ELN: variants seen among roughly 807,000 people sequenced by gnomAD.
The protein encoded by ELN is tropoelastin.
In ELN, 65 loss-of-function variants were observed where a neutral mutation model predicts 105.8. The observed-to-expected ratio is 0.61, with a 90% CI of 0.50 to 0.75. The LOEUF (loss-of-function observed/expected upper bound fraction) is 0.75. ELN is among the 30% of genes least tolerant of loss of function. ELN has a pLI of 0.00. For missense variants in ELN, 882 were observed against 969.4 expected, an observed-to-expected ratio of 0.91 and a Z score of 1.20; for synonymous variants, 368 against 389.2, an observed-to-expected ratio of 0.95 and a Z score of 0.64.
chr7:74,037,594 G>A lies in ELN; in HGVS notation c.164-113G>A, dbSNP rs1472938701. ...CAGGGGCTCCAAGTCTGAGCGGGAG[G>A]ACCTGGGGTGTGTGATTCCACACTG... is the stretch of plus-strand genomic sequence containing the variant. On this transcript the variant is annotated intron_variant, in intron 3 of 32. Coordinates refer to ENST00000252034, the MANE Select transcript of ELN (RefSeq NM_000501.4). The A allele has an allele frequency of 5.4e-6, 8 of 1,476,988 alleles. 1 individual carries two copies. The highest frequency in any genetic ancestry group is 4.6e-6 in the Non-Finnish European group (5 of 1,079,668). The allele number at this position is 1,476,988 out of a possible 1,614,324, so 91.5% of individuals were successfully genotyped here.
intron 29 of ELN, 114 bp from the exon 30 acceptor site, chr7:74,065,580 C>A: frequency 7.5e-7 from 1 of 1,333,950 alleles, no homozygotes; most frequent in African/African-American, 1.5e-5. Context: ...CGCCACTGCA[C>A]TCCAGCCCAG....
intron 20 of ELN, 81 bp from the exon 21 acceptor site, chr7:74,056,591 G>A (rs1554680018): frequency 6.2e-7 from 1 of 1,609,532 alleles, no homozygotes; most frequent in African/African-American, 1.3e-5. Context: ...ATGCCTTACA[G>A]GGCAGAAGAG....
At chr7:74,053,751 G>A (rs1299527490) in intron 18 of ELN, among the ~76,000 whole-genome samples, 2 of 150,940 alleles carry the variant, frequency 1.3e-5, no homozygotes, top group Admixed American at 6.6e-5. Context: ...TGGGTGGATG[G>A]GTGGGTGGAT....
At chr7:74,040,009 C>A (rs375012670) in intron 4 of ELN, among the ~76,000 whole-genome samples, 4 of 152,178 alleles carry the variant, frequency 2.6e-5, no homozygotes, top group Non-Finnish European at 5.9e-5. Context: ...ATGCTAGAAT[C>A]CTTGGGGCAT....
intron 4 of ELN, among the ~76,000 whole-genome samples, chr7:74,040,771 A>G (rs1373282905): frequency 6.6e-6 from 1 of 152,092 alleles, no homozygotes; most frequent in Non-Finnish European, 1.5e-5. Flanking sequence ...GGCAGGCTGG[A>G]TGGAAGGACA....
At chr7:74,059,160 C>T (rs1181596088) in intron 22 of ELN, among the ~76,000 whole-genome samples, 1 of 152,162 alleles carries the variant, frequency 6.6e-6, no homozygotes, top group African/African-American at 2.4e-5. Context: ...CATGAGCCAA[C>T]GTGTCTGGCC....
At chr7:74,053,895 A>G (rs1262341522) in intron 18 of ELN, among the ~76,000 whole-genome samples, 1 of 151,426 alleles carries the variant, frequency 6.6e-6, no homozygotes, top group African/African-American at 2.4e-5. Context: ...GGGAGGATGG[A>G]TGGAAGAATG....
In ELN at chr7:74,063,753, GGAGACA is replaced by G. The variant is rs200079889; in HGVS notation, c.1993+76_1993+81del. On this transcript the variant is annotated intron_variant, in intron 29 of 32. Coordinates refer to ENST00000252034, the MANE Select transcript of ELN (RefSeq NM_000501.4). This position sits in a 1 kb window ranked among gnomAD's most constrained non-coding sequence, Gnocchi z 4.1. The stretch of plus-strand genomic sequence containing the variant: ...TGGTGTGTGTATGCGAGACAGAGAT[GGAGACA>G]GAGACAGAGACAGAGACTTTCGTTC... The G allele has an allele frequency of 1.8e-5, 29 of 1,608,090 alleles. No individual in the cohort carries two copies. Among genetic ancestry groups the G allele is most frequent in the Admixed American group, 8.3e-5 (5 of 59,934 alleles).
rs782154294 is a variant in ELN at position 74,046,709 on chromosome 7, T to C, written c.585T>C (p.Phe195=). 5.0e-6 allele frequency: 8 copies of C among 1,614,048 alleles called. No individual in the cohort carries two copies. The Admixed American group carries it at 6.7e-5, about 13-fold the overall frequency. ...AFAGIPGVGP[F]GGPQPGVPLG... The stretch of plus-strand genomic sequence containing the variant: ...TTATTCCCACAGGAGTTGGACCCTT[T>C]GGGGGACCGCAACCTGGAGTCCCAC... The change falls in exon 12 of 33, where the codon TTT becomes TTC. Residue 195 remains phenylalanine (F), a synonymous_variant. Coordinates refer to ENST00000252034, the MANE Select transcript of ELN (RefSeq NM_000501.4).
intron 15 of ELN, 71 bp downstream of exon 15, chr7:74,048,627 A>G: frequency 6.3e-7 from 1 of 1,593,114 alleles, no homozygotes; most frequent in South Asian, 1.1e-5. Flanking sequence ...TACTATTGAC[A>G]GCCTGCCTCC....
At chr7:74,048,457 C>T (rs781807813) in intron 14 of ELN, 46 bp from the exon 15 acceptor site, 1 of 1,613,680 alleles carries the variant, frequency 6.2e-7, no homozygotes, top group South Asian at 1.1e-5. Flanking sequence ...TCTGGAGATA[C>T]AGGAGCACTG....
At chr7:74,057,970 C>A (rs2132157526) in intron 22 of ELN, among the ~76,000 whole-genome samples, 1 of 152,280 alleles carries the variant, frequency 6.6e-6, no homozygotes, top group South Asian at 2.1e-4. Context: ...TGACCTCATG[C>A]TGAGCTCCAG....
At chr7:74,038,341 A>G (rs949548132) in intron 4 of ELN, among the ~76,000 whole-genome samples, 1 of 152,128 alleles carries the variant, frequency 6.6e-6, no homozygotes, top group African/African-American at 2.4e-5. Flanking sequence ...AGGACCCCCA[A>G]TCCTGGCCTT....
At chr7:74,054,511 G>C (rs546421784) in intron 18 of ELN, among the ~76,000 whole-genome samples, 1 of 151,922 alleles carries the variant, frequency 6.6e-6, no homozygotes, top group Non-Finnish European at 1.5e-5. Context: ...ATAGAGGTGG[G>C]TCATTAGGTA....
chr7:74,039,474 A>G (rs1444769176), intron 4 of ELN, among the ~76,000 whole-genome samples: 1 of 152,244 alleles, frequency 6.6e-6, no homozygotes, highest in African/African-American at 2.4e-5. Flanking sequence ...GGCAGGATGG[A>G]ATGGAGCACA....
chr7:74,061,175 C>T, intron 26 of ELN, 36 bp downstream of exon 26: 1 of 1,613,672 alleles, frequency 6.2e-7, no homozygotes, highest in Non-Finnish European at 8.5e-7. Flanking sequence ...GGCTCCCTTG[C>T]CACCACACCA....
chr7:74,056,836 C>T, intron 21 of ELN, 123 bp downstream of exon 21: 3 of 1,260,484 alleles, frequency 2.4e-6, no homozygotes, highest in South Asian at 2.4e-5. Flanking sequence ...GGTCACGAGG[C>T]CCCTGCCCCA....
intron 21 of ELN, 113 bp downstream of exon 21, chr7:74,056,826 G>A (rs183671677): frequency 1.5e-6 from 2 of 1,376,572 alleles, no homozygotes; most frequent in Admixed American, 1.8e-5. Context: ...CCTGGACCAA[G>A]GTCACGAGGC....
At chr7:74,046,418 A>T (rs1212337175) in intron 11 of ELN, among the ~76,000 whole-genome samples, 1 of 152,218 alleles carries the variant, frequency 6.6e-6, no homozygotes, top group African/African-American at 2.4e-5. Context: ...CCAAAATTCA[A>T]AGGAGTCCAG....
Sources: gnomAD v4.1 joint callset for allele counts (sites outside exome capture counted in the v4.1 genomes callset) on GRCh38, gnomAD v4.1.1 for gene constraint, Gnocchi (gnomAD v3.1) non-coding constraint, MANE v1.5 for transcripts, NCBI Gene and HGNC (gene_info 2026-07-23, HGNC 2026-07-21) for gene names.